Variants in PLEKHD1 observed in about 807,000 individuals in gnomAD.
PLEKHD1 encodes pleckstrin homology and coiled-coil domain containing D1, also known as pleckstrin homology domain-containing family D member 1.
A neutral mutation model predicts 69.2 loss-of-function variants in PLEKHD1; 51 were observed. The ratio of observed to expected loss-of-function variants is 0.74; its 90% CI spans 0.59 to 0.93. The LOEUF is 0.93. PLEKHD1 is among the 40% of genes least tolerant of loss of function. PLEKHD1 has a pLI of 0.00. For missense variants in PLEKHD1, 584 were observed against 641.0 expected (o/e 0.91, Z 0.96); for synonymous variants, 236 against 244.7 (o/e 0.96, Z 0.33).
intron 1 of PLEKHD1, among the ~76,000 whole-genome samples, chr14:69,486,075 G>T (rs1044411227): frequency 2.0e-5 from 3 of 152,136 alleles, no homozygotes; most frequent in African/African-American, 7.2e-5. Flanking sequence ...TACTGGTATG[G>T]CCTGGAGAAT....
chr14:69,519,634 T>C (rs532010163), intron 6 of PLEKHD1, among the ~76,000 whole-genome samples: 1 of 152,310 alleles, frequency 6.6e-6, no homozygotes, highest in Non-Finnish European at 1.5e-5. Context: ...GAGGCATAGC[T>C]GGGATCTGCT....
chr14:69,525,786 C>T (rs1179519225), intron 8 of PLEKHD1, among the ~76,000 whole-genome samples, 158 bp from the exon 9 acceptor site: 3 of 152,172 alleles, frequency 2.0e-5, no homozygotes, highest in Admixed American at 6.5e-5. Flanking sequence ...TGGGAGAGAT[C>T]TGGGCCTTTT....
At chr14:69,504,029 G>T (rs1883097622) in intron 6 of PLEKHD1, among the ~76,000 whole-genome samples, 1 of 152,144 alleles carries the variant, frequency 6.6e-6, no homozygotes, top group African/African-American at 2.4e-5. Context: ...TTCTAGCTTT[G>T]TGACCTCAGG....
intron 6 of PLEKHD1, among the ~76,000 whole-genome samples, chr14:69,505,894 C>T (rs1883141186): frequency 6.6e-6 from 1 of 152,170 alleles, no homozygotes; most frequent in African/African-American, 2.4e-5. Flanking sequence ...TCCCTCTGGC[C>T]TTATCCCTCT....
chr14:69,502,171 T>C (rs919754566), intron 5 of PLEKHD1: 30 of 204,866 alleles, frequency 1.5e-4, no homozygotes, highest in Non-Finnish European at 3.0e-5. Flanking sequence ...TTTTAGAGGA[T>C]TGGGTTAAAT....
At chr14:69,477,132 C>G in the PLEKHD1 span, among the ~76,000 whole-genome samples, 1 of 152,186 alleles carries the variant, frequency 6.6e-6, no homozygotes, top group Non-Finnish European at 1.5e-5. Flanking sequence ...CCGCCTCAGC[C>G]TCCTAAGTAG....
intron 9 of PLEKHD1, 130 bp downstream of exon 9, chr14:69,526,252 A>G: frequency 1.0e-6 from 1 of 992,656 alleles, no homozygotes; most frequent in Non-Finnish European, 1.4e-6. Context: ...CCTTTTGCCT[A>G]GGACTCTGTT....
At chr14:69,507,640 G>A (rs1406916763) in intron 6 of PLEKHD1, among the ~76,000 whole-genome samples, 6 of 152,362 alleles carry the variant, frequency 3.9e-5, no homozygotes, top group South Asian at 2.1e-4. Context: ...ATGAATGAGA[G>A]TTCCTGTTGC....
At position 69,526,756 on chromosome 14, in the gene PLEKHD1, G is replaced by T. The variant is rs779989492; in HGVS notation, c.983G>T (p.Ser328Ile). Reference sequence around the variant, plus strand: ...GAGGAGGAGCGTGAGTTCTACTCCAGCCAGTCCCAGGCACTGCAGAACTCG... The same window carrying T: ...GAGGAGGAGCGTGAGTTCTACTCCATCCAGTCCCAGGCACTGCAGAACTCG... ...ALEEEREFYS[S>I]QSQALQNSLQ... The change falls in exon 10 of 13, where the codon AGC becomes ATC. Residue 328 changes from serine (S) to isoleucine (I), a missense_variant. By Grantham distance (142) the Ser-to-Ile change is moderately radical (BLOSUM62 -2). Coordinates refer to ENST00000322564, the MANE Select transcript of PLEKHD1 (RefSeq NM_001161498.2). 7.1e-6 allele frequency: 11 copies of T among 1,550,242 alleles called. No individual in the cohort carries two copies. Among genetic ancestry groups the T allele is most frequent in the Non-Finnish European group, 9.6e-6 (11 of 1,146,418 alleles).
At chr14:69,508,906 A>C (rs569671050) in intron 6 of PLEKHD1, among the ~76,000 whole-genome samples, 1 of 152,350 alleles carries the variant, frequency 6.6e-6, no homozygotes, top group East Asian at 1.9e-4. Flanking sequence ...GATGGCCCTC[A>C]GTAAGCCTTT....
At chr14:69,513,092 G>A (rs931817081) in intron 6 of PLEKHD1, among the ~76,000 whole-genome samples, 1 of 151,944 alleles carries the variant, frequency 6.6e-6, no homozygotes, top group African/African-American at 2.4e-5. Context: ...GGTGGTGCAT[G>A]CCTGTAATCC....
At chr14:69,517,988 A>T (rs1300585959) in intron 6 of PLEKHD1, among the ~76,000 whole-genome samples, 1 of 150,438 alleles carries the variant, frequency 6.6e-6, no homozygotes, top group East Asian at 2.0e-4. Context: ...TACAATCCTG[A>T]TCTGATTTTA....
chr14:69,508,346 C>T (rs1883197089), intron 6 of PLEKHD1, among the ~76,000 whole-genome samples: 1 of 151,338 alleles, frequency 6.6e-6, no homozygotes, highest in Non-Finnish European at 1.5e-5. Context: ...GCAGAGGTTA[C>T]AGTGAGCCGA....
chr14:69,529,151 T>C lies in PLEKHD1; in HGVS notation c.*732T>C, dbSNP rs1205697961. The C allele has an allele frequency of 6.6e-6, 1 of 152,238 alleles. No homozygotes were observed. Among genetic ancestry groups the C allele is most frequent in the Non-Finnish European group, 1.5e-5 (1 of 68,132 alleles). 9.4% of individuals were successfully genotyped at this position (152,238 alleles called of 1,614,324 possible). The stretch of plus-strand genomic sequence containing the variant: ...GCCTTGGCACCCTGCAAGGGTAGAA[T>C]GATGGCACCAGTCCCTCCTGCCTGT... On this transcript the variant is annotated 3_prime_UTR_variant, in exon 13 of 13. Transcript: ENST00000322564.
the PLEKHD1 span, among the ~76,000 whole-genome samples, chr14:69,472,563 T>G: frequency 2.0e-5 from 3 of 152,222 alleles, no homozygotes; most frequent in Admixed American, 6.5e-5. Context: ...ATGGACCACA[T>G]TTATAACCAT....
chr14:69,484,422 T>C (rs1209947979), upstream of PLEKHD1, among the ~76,000 whole-genome samples: 1 of 152,052 alleles, frequency 6.6e-6, no homozygotes, highest in Non-Finnish European at 1.5e-5. Context: ...GTGGCCCTCG[T>C]CTCGATGTCG....
Position 69,526,141 on chromosome 14 carries a change from C to T in PLEKHD1, c.923+19C>T. On this transcript the variant is annotated intron_variant, in intron 9 of 12. Transcript: ENST00000322564. Reference sequence around the variant, plus strand: ...AGAAGCGGTGAGGGAGCCCCGACCCCTGAAGACACCATTGACTTTGGGGTC... The same window carrying T: ...AGAAGCGGTGAGGGAGCCCCGACCCTTGAAGACACCATTGACTTTGGGGTC... 6.5e-7 allele frequency: 1 copy of T among 1,536,446 alleles called. No homozygotes were observed. Among genetic ancestry groups the T allele is most frequent in the Non-Finnish European group, 8.8e-7 (1 of 1,141,770 alleles).
intron 6 of PLEKHD1, among the ~76,000 whole-genome samples, chr14:69,507,405 C>T (rs184619338): frequency 6.6e-6 from 1 of 152,288 alleles, no homozygotes; most frequent in East Asian, 1.9e-4. Context: ...TTATCCCTCT[C>T]CCTACTTAAG....
chr14:69,496,502 A>G (rs1829816045), intron 1 of PLEKHD1, among the ~76,000 whole-genome samples: 1 of 151,972 alleles, frequency 6.6e-6, no homozygotes, highest in Non-Finnish European at 1.5e-5. Flanking sequence ...CGGTGGAGGA[A>G]GAGGAAAAAG....
Sources: allele counts gnomAD v4.1 joint callset (sites outside exome capture counted in the v4.1 genomes callset), GRCh38; gene constraint gnomAD v4.1.1; transcripts MANE v1.5; gene names NCBI Gene and HGNC (gene_info 2026-07-23, HGNC 2026-07-21).